PTPRM: variants seen among roughly 807,000 people sequenced by gnomAD.
PTPRM encodes protein tyrosine phosphatase receptor type M, also known as receptor-type tyrosine-protein phosphatase mu.
In PTPRM, 47 loss-of-function variants were observed where a neutral mutation model predicts 186.7. The ratio of observed to expected loss-of-function variants is 0.25; its 90% CI spans 0.20 to 0.32. The LOEUF is 0.32. Ranked by LOEUF, PTPRM falls within the 10% of genes least tolerant of loss-of-function variation. PTPRM has a pLI of 1.00. For synonymous variants in PTPRM, 668 were observed against 674.9 expected (o/e 0.99, Z 0.16); for missense variants, 1,494 against 1,865.0 (o/e 0.80, Z 3.66).
chr18:8,019,479 T>C (rs2085076025), intron 7 of PTPRM, among the ~76,000 whole-genome samples: 1 of 152,178 alleles, frequency 6.6e-6, no homozygotes, highest in South Asian at 2.1e-4. Context: ...ATTTCTGATT[T>C]GGTCATTATT....
At position 8,035,443 on chromosome 18, in the gene PTPRM, A is replaced by G. The variant is rs1335576617; in HGVS notation, c.1133-34243A>G. On this transcript the variant is annotated intron_variant, in intron 7 of 32. Transcript: ENST00000580170. ...GCAGCTACTCAAGTCCCTGATATAA[A>G]GTGGTGTGCCATGTGCACACCCTCC... Among the ~76,000 whole-genome samples, 3 of 152,276 alleles carry G rather than the reference A, an allele frequency of 2.0e-5. No homozygotes were observed. The East Asian group carries it at 5.8e-4, about 29-fold the overall frequency.
intron 5 of PTPRM, among the ~76,000 whole-genome samples, chr18:7,932,049 G>C (rs79505015): frequency 1.8e-4 from 28 of 152,174 alleles, no homozygotes; most frequent in Non-Finnish European, 3.8e-4. Context: ...TCTTGTAATC[G>C]TTGTAGAGGT....
intron 2 of PTPRM, among the ~76,000 whole-genome samples, chr18:7,796,496 C>T (rs2043656082): frequency 6.6e-6 from 1 of 152,200 alleles, no homozygotes; most frequent in Admixed American, 6.5e-5. Context: ...GGGAGAGCAG[C>T]GTGAGAGCTC....
chr18:8,359,513 T>C (rs1176304917), intron 23 of PTPRM, among the ~76,000 whole-genome samples: 3 of 152,268 alleles, frequency 2.0e-5, no homozygotes, highest in African/African-American at 7.2e-5. Flanking sequence ...CTTGTCTCTT[T>C]GCCATTTTAC....
At chr18:7,657,741 G>A (rs1220876547) in intron 1 of PTPRM, among the ~76,000 whole-genome samples, 1 of 152,246 alleles carries the variant, frequency 6.6e-6, no homozygotes, top group Admixed American at 6.5e-5. Flanking sequence ...AAAAGCAGCA[G>A]TGAAATGAAA....
At chr18:8,032,331 A>G (rs974623007) in intron 7 of PTPRM, among the ~76,000 whole-genome samples, 2 of 152,040 alleles carry the variant, frequency 1.3e-5, no homozygotes, top group African/African-American at 4.8e-5. Flanking sequence ...ACTTCATAAT[A>G]CTCCCTGTTA....
chr18:8,010,371 A>G (rs2084451823), intron 7 of PTPRM, among the ~76,000 whole-genome samples: 1 of 152,142 alleles, frequency 6.6e-6, no homozygotes, highest in African/African-American at 2.4e-5. Context: ...TCATTATCTC[A>G]TACTATTTCC....
intron 32 of PTPRM, among the ~76,000 whole-genome samples, chr18:8,402,281 C>G (rs2095876281): frequency 6.6e-6 from 1 of 152,182 alleles, no homozygotes. Flanking sequence ...AACCAGTCAT[C>G]ACAGAATCTA....
intron 1 of PTPRM, among the ~76,000 whole-genome samples, chr18:7,770,429 T>C (rs1478421120): frequency 6.6e-6 from 1 of 152,218 alleles, no homozygotes; most frequent in African/African-American, 2.4e-5. Flanking sequence ...TGAAATGCAC[T>C]CCTGAGAGTG....
At chr18:8,105,924 C>G (rs747216771) in intron 11 of PTPRM, among the ~76,000 whole-genome samples, 15 of 152,146 alleles carry the variant, frequency 9.9e-5, no homozygotes, top group African/African-American at 2.9e-4. Flanking sequence ...ATTATAGACT[C>G]GACAGAGAGT....
intron 11 of PTPRM, among the ~76,000 whole-genome samples, chr18:8,113,268 TG>T (rs1368938722): frequency 2.0e-5 from 3 of 152,184 alleles, no homozygotes; most frequent in African/African-American, 7.2e-5. Context: ...TAAATAGTGT[TG>T]TTTTGGGTGA....
intron 13 of PTPRM, among the ~76,000 whole-genome samples, chr18:8,130,627 T>C (rs2092480865): frequency 6.6e-6 from 1 of 152,136 alleles, no homozygotes; most frequent in Admixed American, 6.6e-5. Context: ...GTACAGATGA[T>C]AGGAAAGTGT....
chr18:8,311,864 C>T (rs905363048), intron 20 of PTPRM, among the ~76,000 whole-genome samples: 18 of 151,948 alleles, frequency 1.2e-4, no homozygotes, highest in African/African-American at 4.1e-4. Flanking sequence ...TAAAGAGAAC[C>T]CTCCAGAATA....
In PTPRM at chr18:8,283,284, C is replaced by G. The variant is rs932113513; in HGVS notation, c.2755-13084C>G. Among the ~76,000 whole-genome samples the G allele has an allele frequency of 5.9e-5, 9 of 152,216 alleles. No individual in the cohort carries two copies. The South Asian group carries it at 8.3e-4, about 14-fold the overall frequency. On this transcript the variant is annotated intron_variant, in intron 19 of 32. Transcript: ENST00000580170. The stretch of plus-strand genomic sequence containing the variant: ...GAAGCTCTCCATACCATCCTTGCAA[C>G]TTCCTGTGAATCTAGAATTATTTCA...
chr18:8,344,446 G>GTATATATATATATATATATATA (rs1412437272), intron 23 of PTPRM, among the ~76,000 whole-genome samples: 41 of 16,612 alleles, frequency 2.5e-3, no homozygotes, highest in South Asian at 0.012. Flanking sequence ...GTGTGTGTGT[G>GTATATATATATATATATATATA]TGTATATATA....
At chr18:7,991,190 C>T (rs1568144600) in intron 7 of PTPRM, among the ~76,000 whole-genome samples, 2 of 152,166 alleles carry the variant, frequency 1.3e-5, no homozygotes, top group Non-Finnish European at 2.9e-5. Context: ...AAACACTTTA[C>T]ACCTCACTCA....
chr18:7,670,342 T>C lies in PTPRM; in HGVS notation c.73+102451T>C, dbSNP rs528182410. Among the ~76,000 whole-genome samples the C allele has an allele frequency of 2.6e-5, 4 of 152,358 alleles. No homozygotes were observed. In the South Asian group the frequency reaches 8.3e-4, roughly 32 times the overall value. On this transcript the variant is annotated intron_variant, in intron 1 of 32. Coordinates refer to ENST00000580170, the MANE Select transcript of PTPRM (RefSeq NM_001105244.2). ...ACATAAAAAGCTTATCTCTTTGTTA[T>C]ACTTTTTACTTATATAGATTCTGTC...
At chr18:7,599,083 A>G (rs762407794) in intron 1 of PTPRM, among the ~76,000 whole-genome samples, 1 of 152,158 alleles carries the variant, frequency 6.6e-6, no homozygotes, top group Non-Finnish European at 1.5e-5. Context: ...CTTGGCCTCA[A>G]CCAGATTAGA....
chr18:7,591,120 AT>A lies in PTPRM; in HGVS notation c.73+23230del, dbSNP rs1392945211. Among the ~76,000 whole-genome samples, 18 of 152,352 alleles carry A rather than the reference AT, an allele frequency of 1.2e-4. No homozygotes were observed. In the East Asian group the frequency reaches 3.5e-3, roughly 29 times the overall value. On this transcript the variant is annotated intron_variant, in intron 1 of 32. Transcript: ENST00000580170. Reference sequence around the variant, plus strand: ...TTATCTCCATTTTTCTTTGCTTTCTATGTGTAAAACACAAAACATACAAAAT... The same window carrying A: ...TTATCTCCATTTTTCTTTGCTTTCTAGTGTAAAACACAAAACATACAAAAT...
Sources: allele counts gnomAD v4.1 joint callset (sites outside exome capture counted in the v4.1 genomes callset), GRCh38; gene constraint gnomAD v4.1.1; transcripts MANE v1.5; gene names NCBI Gene and HGNC (gene_info 2026-07-23, HGNC 2026-07-21).